The following SLC44A5 variants were observed in gnomAD, a reference collection of about 807,000 sequenced individuals.
The protein encoded by SLC44A5 is choline transporter-like protein 5.
In SLC44A5, 57 loss-of-function variants were observed where a neutral mutation model predicts 101.8. The ratio of observed to expected loss-of-function variants is 0.56; its 90% confidence interval spans 0.45 to 0.70. The LOEUF (loss-of-function observed/expected upper bound fraction) is 0.70. Ranked by LOEUF, SLC44A5 falls within the 30% of genes least tolerant of loss-of-function variation. SLC44A5 has a pLI of 0.00. For missense variants in SLC44A5, 737 were observed against 853.1 expected, an observed-to-expected ratio of 0.86 and a Z score of 1.70; for synonymous variants, 281 against 290.9, an observed-to-expected ratio of 0.97 and a Z score of 0.35.
At chr1:75,274,898 T>C in intron 6 of SLC44A5, 60 bp downstream of exon 6, 2 of 1,304,898 alleles carry the variant, frequency 1.5e-6, no homozygotes, top group Non-Finnish European at 2.2e-6. Context: ...ACTGTAAAAG[T>C]GATATCTAGG....
At chr1:75,530,562 A>G (rs554764242) in intron 2 of SLC44A5, among the ~76,000 whole-genome samples, 1 of 152,298 alleles carries the variant, frequency 6.6e-6, no homozygotes, top group East Asian at 1.9e-4. Context: ...ATGTCTGTTC[A>G]TGTGCTTCTT....
At chr1:75,325,030 C>G (rs568715956) in intron 4 of SLC44A5, among the ~76,000 whole-genome samples, 1 of 152,228 alleles carries the variant, frequency 6.6e-6, no homozygotes, top group Non-Finnish European at 1.5e-5. Flanking sequence ...CTTTAAGGAA[C>G]TCACAATCTA....
intron 3 of SLC44A5, among the ~76,000 whole-genome samples, chr1:75,376,629 A>G (rs1199872560): frequency 1.3e-5 from 2 of 151,662 alleles, no homozygotes; most frequent in Non-Finnish European, 3.0e-5. Context: ...CCTGTCTGTT[A>G]GAAGGAAAAC....
intron 1 of SLC44A5, chr1:75,582,387 A>C (rs1831702): frequency 0.4 from 325,009 of 802,572 alleles, 71,300 homozygotes; most frequent in East Asian, 0.86. Flanking sequence ...CGACTTGCCC[A>C]CATTGCCCAC....
At chr1:75,270,450 G>A (rs1442896255) in intron 6 of SLC44A5, among the ~76,000 whole-genome samples, 4 of 151,914 alleles carry the variant, frequency 2.6e-5, no homozygotes, top group Non-Finnish European at 4.4e-5. Context: ...TTCAACAAAC[G>A]ATTCTGAAAT....
rs35829590 is a variant in SLC44A5, at chr1:75,537,033, A to AAAATATATATATATAT, written c.13+4401_13+4402insATATATATATATATTT. 7.4e-4 allele frequency among the ~76,000 whole-genome samples: 32 copies of AAAATATATATATATAT among 43,008 alleles called. 2 individuals carry two copies. Among genetic ancestry groups the AAAATATATATATATAT allele is most frequent in the African/African-American group, 9.8e-4 (18 of 18,432 alleles). 28.2% of individuals were successfully genotyped at this position (43,008 alleles called of 152,430 possible). On this transcript the variant is annotated intron_variant, in intron 2 of 23. Transcript: ENST00000370859. ...AAAAAAAAAAAAAAAAAAAAAAAAA[A>AAAATATATATATATAT]ATATATATCTATGCCAAATGATTCT...
chr1:75,587,092 A>T (rs1674051381), intron 1 of SLC44A5, among the ~76,000 whole-genome samples: 1 of 152,096 alleles, frequency 6.6e-6, no homozygotes, highest in African/African-American at 2.4e-5. Context: ...GGTCCTAAAA[A>T]CATCTAGTGA....
At chr1:75,393,477 T>G (rs542419951) in intron 3 of SLC44A5, among the ~76,000 whole-genome samples, 64 of 152,170 alleles carry the variant, frequency 4.2e-4, no homozygotes, top group Non-Finnish European at 6.9e-4. Context: ...TTATGTTAGG[T>G]TATAAATAAA....
intron 1 of SLC44A5, among the ~76,000 whole-genome samples, chr1:75,577,843 T>C (rs1673460615): frequency 6.6e-6 from 1 of 152,180 alleles, no homozygotes; most frequent in Admixed American, 6.5e-5. Context: ...CACCTAAAAA[T>C]GTGTGACACA....
At chr1:75,683,804 G>A in the SLC44A5 span, among the ~76,000 whole-genome samples, 39 of 151,368 alleles carry the variant, frequency 2.6e-4, no homozygotes, top group East Asian at 5.8e-3. Context: ...AAAGAAATAA[G>A]ACAGGAAAAA....
At chr1:75,483,396 A>G (rs536765462) in intron 2 of SLC44A5, among the ~76,000 whole-genome samples, 1 of 152,336 alleles carries the variant, frequency 6.6e-6, no homozygotes, top group South Asian at 2.1e-4. Flanking sequence ...CTCATAGAAC[A>G]TAGCATAATT....
chr1:75,643,959 TAAC>T, the SLC44A5 span, among the ~76,000 whole-genome samples: 3 of 152,214 alleles, frequency 2.0e-5, no homozygotes, highest in African/African-American at 7.2e-5. Flanking sequence ...CACAGAACAT[TAAC>T]AATCTTCACT....
At chr1:75,466,388 G>A (rs777915928) in intron 2 of SLC44A5, among the ~76,000 whole-genome samples, 12 of 152,258 alleles carry the variant, frequency 7.9e-5, no homozygotes, top group Middle Eastern at 3.4e-3. Context: ...CGGGTGTGGT[G>A]GCTCATGCCT....
intron 3 of SLC44A5, among the ~76,000 whole-genome samples, chr1:75,360,819 A>G (rs1557701367): frequency 1.3e-5 from 2 of 152,162 alleles, no homozygotes; most frequent in African/African-American, 2.4e-5. Context: ...ATAAAATTTA[A>G]CAATTGTTTA....
chr1:75,673,410 C>T, the SLC44A5 span, among the ~76,000 whole-genome samples: 3 of 152,122 alleles, frequency 2.0e-5, no homozygotes, highest in Admixed American at 6.5e-5. Flanking sequence ...GAATAGACCA[C>T]CAGGTAGATT....
At chr1:75,436,629 A>G (rs1182354294) in intron 2 of SLC44A5, among the ~76,000 whole-genome samples, 1 of 152,140 alleles carries the variant, frequency 6.6e-6, no homozygotes, top group Non-Finnish European at 1.5e-5. Context: ...CAACCACTCA[A>G]CATTTGGGCT....
intron 5 of SLC44A5, among the ~76,000 whole-genome samples, chr1:75,277,776 T>G (rs1652053180): frequency 6.6e-6 from 1 of 152,078 alleles, no homozygotes; most frequent in African/African-American, 2.4e-5. Flanking sequence ...AGAATACTTC[T>G]TCTTGACTTT....
At chr1:75,700,559 G>A in the SLC44A5 span, among the ~76,000 whole-genome samples, 3 of 152,192 alleles carry the variant, frequency 2.0e-5, no homozygotes, top group East Asian at 5.8e-4. Context: ...AAGCAGGAAA[G>A]ATCTAAAATT....
intron 4 of SLC44A5, among the ~76,000 whole-genome samples, chr1:75,308,240 GTTC>G (rs1195033795): frequency 6.6e-6 from 1 of 152,096 alleles, no homozygotes; most frequent in Non-Finnish European, 1.5e-5. Context: ...GCTTTAGTTA[GTTC>G]TTCTGAGTAA....
Sources: allele counts gnomAD v4.1 joint callset (sites outside exome capture counted in the v4.1 genomes callset), GRCh38; gene constraint gnomAD v4.1.1; transcripts MANE v1.5; gene names NCBI Gene and HGNC (gene_info 2026-07-23, HGNC 2026-07-21).